Variants in FAT3 observed in about 807,000 individuals in gnomAD.
FAT3 encodes protocadherin Fat 3.
In FAT3, 95 loss-of-function variants were observed where a neutral mutation model predicts 310.2. The ratio of observed to expected loss-of-function variants is 0.31; its 90% CI spans 0.26 to 0.36. The LOEUF (loss-of-function observed/expected upper bound fraction) is 0.36, where lower values mean the gene tolerates loss of function less well. FAT3 is among the 10% of genes least tolerant of loss of function. The pLI, the probability that FAT3 is intolerant of heterozygous loss-of-function variation, is 1.00. For missense variants in FAT3, 5,408 were observed against 5,715.6 expected (o/e 0.95, Z 1.74); for synonymous variants, 2,314 against 2,192.9 (o/e 1.06, Z -1.54).
intron 3 of FAT3, among the ~76,000 whole-genome samples, chr11:92,627,070 T>C (rs548415690): frequency 2.5e-4 from 38 of 152,354 alleles, no homozygotes; most frequent in Non-Finnish European, 3.7e-4. Context: ...TTATTAGTTA[T>C]GAGTAATCTA....
chr11:92,681,002 A>G (rs1343930487), intron 3 of FAT3, among the ~76,000 whole-genome samples: 1 of 152,240 alleles, frequency 6.6e-6, no homozygotes, highest in Non-Finnish European at 1.5e-5. Context: ...AAAAGCATGC[A>G]GAATATTTAA....
chr11:92,642,802 G>T (rs1565481301), intron 3 of FAT3, among the ~76,000 whole-genome samples: 1 of 152,190 alleles, frequency 6.6e-6, no homozygotes, highest in South Asian at 2.1e-4. Context: ...GATGCCTAGA[G>T]TCCTGGGGCA....
intron 3 of FAT3, among the ~76,000 whole-genome samples, chr11:92,653,514 TA>T: frequency 6.6e-6 from 1 of 152,174 alleles, no homozygotes; most frequent in Non-Finnish European, 1.5e-5. Context: ...CAGTGTTCAG[TA>T]AAGGCTACCA....
At chr11:92,766,726 C>T (rs1946322961) in intron 6 of FAT3, 2 of 152,216 alleles carry the variant, frequency 1.3e-5, no homozygotes, top group Non-Finnish European at 2.9e-5. Flanking sequence ...TCTTCTGATC[C>T]ATGAAAGGGG....
intron 2 of FAT3, among the ~76,000 whole-genome samples, chr11:92,441,747 T>C (rs1489997402): frequency 6.6e-6 from 1 of 152,120 alleles, no homozygotes; most frequent in Non-Finnish European, 1.5e-5. Flanking sequence ...CACACAAGCC[T>C]AAGTGGACCT....
At chr11:92,852,729 A>AT (rs992242791) in intron 19 of FAT3, among the ~76,000 whole-genome samples, 6 of 152,098 alleles carry the variant, frequency 3.9e-5, no homozygotes, top group Admixed American at 1.3e-4. Flanking sequence ...ATATTTGAGT[A>AT]TTTTTTTACA....
At chr11:92,703,503 G>T (rs1944166386) in intron 4 of FAT3, among the ~76,000 whole-genome samples, 1 of 152,190 alleles carries the variant, frequency 6.6e-6, no homozygotes, top group South Asian at 2.1e-4. Flanking sequence ...GCAGCATGGA[G>T]CAGGCATCAG....
chr11:92,229,287 T>A (rs969359718), intron 1 of FAT3, among the ~76,000 whole-genome samples: 1 of 152,086 alleles, frequency 6.6e-6, no homozygotes, highest in African/African-American at 2.4e-5. Context: ...GGGTCTTTGT[T>A]TTTTAATATA....
At chr11:92,310,967 CTT>C (rs1171231263) in intron 1 of FAT3, among the ~76,000 whole-genome samples, 1 of 150,804 alleles carries the variant, frequency 6.6e-6, no homozygotes, top group African/African-American at 2.4e-5. Flanking sequence ...ATTTAAAAAA[CTT>C]TTTTTGAGAT....
chr11:92,829,884 C>T (rs1289676266), intron 13 of FAT3, among the ~76,000 whole-genome samples: 1 of 152,116 alleles, frequency 6.6e-6, no homozygotes, highest in African/African-American at 2.4e-5. Context: ...TTTATGTCAT[C>T]CCTCAAGATA....
intron 2 of FAT3, among the ~76,000 whole-genome samples, chr11:92,403,758 C>T (rs751606292): frequency 3.3e-5 from 5 of 152,022 alleles, no homozygotes; most frequent in Non-Finnish European, 5.9e-5. Context: ...GTATGGGGGC[C>T]GGGTGCAGTG....
intron 18 of FAT3, 128 bp downstream of exon 18, chr11:92,840,887 C>A: frequency 1.1e-6 from 1 of 876,614 alleles, no homozygotes; most frequent in Admixed American, 3.3e-5. Context: ...AATGTTCCCC[C>A]TTTTAATCTC....
chr11:92,731,143 A>G (rs1165977046), intron 4 of FAT3, among the ~76,000 whole-genome samples: 5 of 152,160 alleles, frequency 3.3e-5, no homozygotes, highest in African/African-American at 1.2e-4. Context: ...GCATTTTGCT[A>G]TTGAATATGT....
intron 3 of FAT3, among the ~76,000 whole-genome samples, chr11:92,544,438 A>G (rs1954552356): frequency 6.6e-6 from 1 of 152,200 alleles, no homozygotes; most frequent in Admixed American, 6.5e-5. Context: ...TTACTTGATT[A>G]TATGAATGCT....
chr11:92,836,702 G>A lies in FAT3; in HGVS notation c.10223G>A (p.Arg3408Gln), dbSNP rs771628552. Residue 3408 changes from arginine (R) to glutamine (Q), a missense_variant and splice_region_variant, in exon 16 of 28, where the codon CGG becomes CAG. Arg to Gln is a conservative substitution (Grantham distance 43). Coordinates refer to ENST00000525166, the MANE Select transcript of FAT3 (RefSeq NM_001367949.2). Reference sequence around the variant, plus strand: ...GTTAAGAAGAAATTGGACCGGGAACGGGTAAGCTAGTTTAGGACAGTTTCC... The same window carrying A: ...GTTAAGAAGAAATTGGACCGGGAACAGGTAAGCTAGTTTAGGACAGTTTCC... ...VKVKKKLDRE[R>Q]VSGYSLLVQA... 8.1e-6 allele frequency: 13 copies of A among 1,612,782 alleles called. No homozygotes were observed. The highest frequency in any genetic ancestry group is 3.3e-5 in the Admixed American group (2 of 59,880).
chr11:92,517,077 A>G (rs1278855741), intron 2 of FAT3, among the ~76,000 whole-genome samples: 2 of 152,202 alleles, frequency 1.3e-5, no homozygotes, highest in Admixed American at 6.5e-5. Context: ...TATAGATTCA[A>G]TGCTATCCCC....
At chr11:92,368,009 A>T (rs1345633378) in intron 2 of FAT3, among the ~76,000 whole-genome samples, 1 of 152,240 alleles carries the variant, frequency 6.6e-6, no homozygotes, top group Non-Finnish European at 1.5e-5. Context: ...CAAGGAAAAC[A>T]ATCACAGCAA....
chr11:92,572,043 C>T (rs780340022), intron 3 of FAT3, among the ~76,000 whole-genome samples: 11 of 152,160 alleles, frequency 7.2e-5, no homozygotes, highest in Non-Finnish European at 1.2e-4. Flanking sequence ...ACCATGTACT[C>T]TTTTGTTCAT....
intron 1 of FAT3, among the ~76,000 whole-genome samples, chr11:92,302,211 G>A (rs929360912): frequency 1.3e-5 from 2 of 151,932 alleles, no homozygotes; most frequent in African/African-American, 4.8e-5. Flanking sequence ...AAGATGTAAA[G>A]TATTTCTTTG....
Sources: allele counts gnomAD v4.1 joint callset (sites outside exome capture counted in the v4.1 genomes callset), GRCh38; gene constraint gnomAD v4.1.1; transcripts MANE v1.5; gene names NCBI Gene and HGNC (gene_info 2026-07-23, HGNC 2026-07-21).